Variants in TUBA1B observed in about 807,000 individuals in gnomAD.
TUBA1B encodes the protein tubulin alpha-1B chain.
In TUBA1B, 1 loss-of-function variant was observed where a neutral mutation model predicts 34.4. The ratio of observed to expected loss-of-function variants is 0.03; its 90% confidence interval spans 0.01 to 0.14. The LOEUF is 0.14. Ranked by LOEUF, TUBA1B falls within the 10% of genes least tolerant of loss-of-function variation. TUBA1B has a pLI of 1.00. For synonymous variants in TUBA1B, 197 were observed against 212.5 expected (o/e 0.93, Z 0.64); for missense variants, 54 against 583.6 (o/e 0.09, Z 9.35).
Position 49,129,184 on chromosome 12 carries a change from C to A in TUBA1B, c.375+58G>T, listed in dbSNP as rs1346920690. ...GAATGAATGATGTCAGTCACTCCAC[C>A]CAACTTGCACTGGAACTATCACACC... On this transcript the variant is annotated intron_variant, in intron 3 of 3. Coordinates refer to ENST00000336023, the MANE Select transcript of TUBA1B (RefSeq NM_006082.3). 1.1e-5 allele frequency: 18 copies of A among 1,611,858 alleles called. No individual in the cohort carries two copies. The African/African-American group carries it at 2.0e-4, about 18-fold the overall frequency.
chr12:49,129,450 G>C, intron 2 of TUBA1B, 50 bp downstream of exon 2: 1 of 1,613,750 alleles, frequency 6.2e-7, no homozygotes. Flanking sequence ...CCCCTGGACA[G>C]ACCTCCTGTC....
chr12:49,130,588 C>G (rs1592246650), intron 1 of TUBA1B: 1 of 349,232 alleles, frequency 2.9e-6, no homozygotes, highest in Admixed American at 3.8e-5. Flanking sequence ...ACTGCCACCA[C>G]CTGCTCCCCT....
Position 49,127,894 on chromosome 12 carries a change from T to A in TUBA1B, c.*64A>T. The A allele has an allele frequency of 6.2e-7, 1 of 1,611,062 alleles. No individual in the cohort carries two copies. The highest frequency in any genetic ancestry group is 1.7e-4 in the Middle Eastern group (1 of 6,050). ...TCTAACCAGAAAGCTTTAACGTCTG[T>A]CAGTTAAGCTGAAGCTGAAATTCTG... On this transcript the variant is annotated 3_prime_UTR_variant, in exon 4 of 4. Coordinates refer to ENST00000336023, the MANE Select transcript of TUBA1B (RefSeq NM_006082.3).
chr12:49,130,477 G>C, intron 1 of TUBA1B: 5 of 656,660 alleles, frequency 7.6e-6, no homozygotes, highest in South Asian at 6.4e-5. Flanking sequence ...TGCCGGCATC[G>C]GGCTCAGCCT....
rs376809327 is a variant in TUBA1B at position 49,131,283 on chromosome 12, G to A, written c.3+15C>T. 1.9e-5 allele frequency: 31 copies of A among 1,608,780 alleles called. No individual in the cohort carries two copies. Among genetic ancestry groups the A allele is most frequent in the Non-Finnish European group, 2.2e-5 (26 of 1,177,716 alleles). On this transcript the variant is annotated intron_variant, in intron 1 of 3. Transcript: ENST00000336023. ...GCTTCCCTGAAAGCAGCCGGGAGCCGCACGGCTTACTCACCATAGTGGCTA... is the reference window on the plus strand; with the variant it reads ...GCTTCCCTGAAAGCAGCCGGGAGCCACACGGCTTACTCACCATAGTGGCTA...
rs1035659340 is a variant in TUBA1B, at chr12:49,129,002, T to G, written c.376-64A>C. ...GACACATTATCTTAGAATTTCTATT[T>G]CAACTTTTTAGATTACGAACCATAT... On this transcript the variant is annotated intron_variant, in intron 3 of 3. Transcript: ENST00000336023. 3 of 1,542,702 alleles carry G rather than the reference T, an allele frequency of 1.9e-6. No individual in the cohort carries two copies. The Admixed American group carries it at 6.4e-5, about 33-fold the overall frequency.
intron 1 of TUBA1B, chr12:49,130,060 G>C: frequency 8.5e-7 from 1 of 1,177,878 alleles, no homozygotes. Flanking sequence ...CCTTTTCTAA[G>C]ATGTACTACT....
At position 49,131,372 on chromosome 12, in the gene TUBA1B, A is replaced by G. The variant is rs1006311457; in HGVS notation, c.-72T>C. On this transcript the variant is annotated 5_prime_UTR_variant, in exon 1 of 4. Transcript: ENST00000336023. ...TCCCGGTTACCGTCCCCGACAAGCT[A>G]AGAGTCGAGGTAAGTAACGCACTAG... The G allele has an allele frequency of 4.4e-6, 7 of 1,578,658 alleles. No individual in the cohort carries two copies. The highest frequency in any genetic ancestry group is 1.8e-5 in the Admixed American group (1 of 57,096).
In TUBA1B at chr12:49,130,437, C is replaced by T. The variant is rs566234615; in HGVS notation, c.4-715G>A. The T allele has an allele frequency of 2.2e-4, 249 of 1,119,942 alleles. 1 individual carries two copies. Among genetic ancestry groups the T allele is most frequent in the Non-Finnish European group, 2.8e-4 (233 of 839,394 alleles). The allele number at this position is 1,119,942 out of a possible 1,614,324, so 69.4% of individuals were successfully genotyped here. A position where few individuals can be genotyped will look rare whatever the true frequency, so the allele number is the denominator to read the frequency against. ...CACGAAATGGCCACGTCTGCAAAGGCGCTGCCCAAGCCGCCCATCCTCCCT... is the reference window on the plus strand; with the variant it reads ...CACGAAATGGCCACGTCTGCAAAGGTGCTGCCCAAGCCGCCCATCCTCCCT... On this transcript the variant is annotated intron_variant, in intron 1 of 3. Coordinates refer to ENST00000336023, the MANE Select transcript of TUBA1B (RefSeq NM_006082.3).
Position 49,129,365 on chromosome 12 carries a change from G to A in TUBA1B, c.252C>T (p.Arg84=). 6.2e-7 allele frequency: 1 copy of A among 1,614,198 alleles called. No individual in the cohort carries two copies. Among genetic ancestry groups the A allele is most frequent in the Non-Finnish European group, 8.5e-7 (1 of 1,180,032 alleles). Reference sequence around the variant, plus strand: ...TGAGCTGCTCAGGGTGGAAGAGCTGGCGGTAGGTGCCAGTGCGAACTTCAT... The same window carrying A: ...TGAGCTGCTCAGGGTGGAAGAGCTGACGGTAGGTGCCAGTGCGAACTTCAT... ...VIDEVRTGTY[R]QLFHPEQLIT... is the part of the protein sequence containing the mutation. The change falls in exon 3 of 4, where the codon CGC becomes CGT. Residue 84 remains arginine, a synonymous_variant. Transcript: ENST00000336023.
chr12:49,130,390 C>T, intron 1 of TUBA1B: 2 of 1,283,956 alleles, frequency 1.6e-6, no homozygotes, highest in Non-Finnish European at 2.0e-6. Flanking sequence ...CGCTCTTGCG[C>T]CCCCCGGCGG....
chr12:49,128,435 ATT>A lies in TUBA1B; in HGVS notation c.877_878del (p.Asn293CysfsTer4). ...TCTGGTTGGCTGGCTCAAAGCAAGC[ATT>A]GGTGATCTCTGCTACAGAAAGCTGT... is the stretch of plus-strand genomic sequence containing the variant. ...HEQLSVAEITNACFEPANQMV... is the reference protein window; with the variant it reads ...HEQLSVAEITXACFEPANQMV... On this transcript the variant is annotated frameshift_variant, in exon 4 of 4. Coordinates refer to ENST00000336023, the MANE Select transcript of TUBA1B (RefSeq NM_006082.3). LOFTEE classifies it high-confidence loss of function. The surrounding 1 kb of genome is among the most constrained non-coding windows in gnomAD (Gnocchi z 8.1). 1 of 1,613,776 alleles carries A rather than the reference ATT, an allele frequency of 6.2e-7. No individual in the cohort carries two copies. Among genetic ancestry groups the A allele is most frequent in the Non-Finnish European group, 8.5e-7 (1 of 1,179,940 alleles).
chr12:49,129,164 AATG>A (rs1941773654), intron 3 of TUBA1B, 75 bp downstream of exon 3: 4 of 1,609,988 alleles, frequency 2.5e-6, no homozygotes, highest in East Asian at 2.2e-5. Context: ...CCAAAGAATG[AATG>A]ATGTCAGTCA....
intron 1 of TUBA1B, chr12:49,130,158 G>C: frequency 1.6e-6 from 2 of 1,225,946 alleles, no homozygotes; most frequent in Non-Finnish European, 1.0e-6. Context: ...TCCAGACCAA[G>C]ACAGCTCAGT....
intron 1 of TUBA1B, chr12:49,131,023 A>T (rs1183494616): frequency 1.8e-5 from 8 of 433,528 alleles, no homozygotes; most frequent in Non-Finnish European, 3.5e-5. Flanking sequence ...ACGCGACAAA[A>T]GAGAGCTCCG....
rs112885821 is a variant in TUBA1B at position 49,129,621 on chromosome 12, C to G, written c.105G>C (p.Gln35His). Residue 35 changes from glutamine to histidine, a missense_variant, in exon 2 of 4, where the codon CAG (glutamine) becomes CAC (histidine). By Grantham distance (24) the Gln-to-His change is conservative. Around this residue, in one of 3 missense-constraint regions of TUBA1B, gnomAD observed 28 missense variants for 203.8 expected, o/e 0.14. Coordinates refer to ENST00000336023, the MANE Select transcript of TUBA1B (RefSeq NM_006082.3). Reference protein sequence around the residue: ...CLEHGIQPDGQMPSDKTIGGG... With the variant: ...CLEHGIQPDGHMPSDKTIGGG... ...CCCCAATGGTCTTGTCACTTGGCAT[C>G]TGGCCATCGGGCTGGATGCCGTGTT... 1 of 1,614,234 alleles carries G rather than the reference C, an allele frequency of 6.2e-7. No homozygotes were observed. The highest frequency in any genetic ancestry group is 8.5e-7 in the Non-Finnish European group (1 of 1,180,050).
At chr12:49,130,208 GCATC>G in intron 1 of TUBA1B, 1 of 1,272,652 alleles carries the variant, frequency 7.9e-7, no homozygotes, top group South Asian at 1.3e-5. Flanking sequence ...AGGAAGGTGG[GCATC>G]CATCCAGCGC....
intron 1 of TUBA1B, chr12:49,130,343 C>A (rs1214970159): frequency 1.5e-5 from 19 of 1,289,112 alleles, no homozygotes; most frequent in Non-Finnish European, 1.9e-5. Flanking sequence ...AGGGGCGGGG[C>A]TCTGCGGCAC....
At chr12:49,130,786 C>T in intron 1 of TUBA1B, 1 of 178,692 alleles carries the variant, frequency 5.6e-6, no homozygotes, top group African/African-American at 2.4e-5. Flanking sequence ...GCGTCGCGAC[C>T]CAGAGCGCAT....
Sources: allele counts gnomAD v4.1 joint callset, GRCh38; gene constraint gnomAD v4.1.1; regional missense constraint gnomAD v4.1.1; non-coding constraint Gnocchi (gnomAD v3.1); transcripts MANE v1.5; gene names NCBI Gene and HGNC (gene_info 2026-07-23, HGNC 2026-07-21).